RGS5: variants seen among roughly 807,000 people sequenced by gnomAD.
RGS5 encodes the protein regulator of G-protein signalling 5.
RGS5 carries 20 observed loss-of-function variants against 18.9 expected under a neutral mutation model. That is an observed-to-expected ratio of 1.06 (90% CI 0.74 to 1.54). RGS5 has a LOEUF of 1.54. RGS5 is among the 40% of genes most tolerant of loss of function. The pLI is 0.00. For synonymous variants in RGS5, 57 were observed against 76.2 expected, an observed-to-expected ratio of 0.75 and a Z score of 1.31; for missense variants, 201 against 211.8, an observed-to-expected ratio of 0.95 and a Z score of 0.32.
rs15049 is a variant in RGS5 at position 163,147,088 on chromosome 1, T to G, written c.*254A>C. ...CAGGATTTTTCTGTGATTCTGATTG[T>G]GTCTGACTACAAGCTGAAGATATCT... On this transcript the variant is annotated 3_prime_UTR_variant, in exon 5 of 5. Transcript: ENST00000313961. 51,893 of 313,692 alleles carry G rather than the reference T, an allele frequency of 0.17. 7,363 individuals carry two copies. Among genetic ancestry groups the G allele is most frequent in the African/African-American group, 0.47 (22,012 of 46,566 alleles). 19.4% of individuals were successfully genotyped at this position (313,692 alleles called of 1,614,324 possible).
At chr1:163,217,400 G>A in intron 1 of RGS5, 1 of 996,178 alleles carries the variant, frequency 1.0e-6, no homozygotes. Context: ...TCCCATCAAA[G>A]AGAAGAAATT....
chr1:163,310,953 T>A (rs983893530), intron 1 of RGS5, among the ~76,000 whole-genome samples: 2 of 152,156 alleles, frequency 1.3e-5, no homozygotes, highest in Non-Finnish European at 2.9e-5. Context: ...GAGCCCCTTA[T>A]AAAACCGTCA....
upstream of RGS5, among the ~76,000 whole-genome samples, chr1:163,221,335 T>C (rs1469133544): frequency 1.3e-5 from 2 of 152,064 alleles, no homozygotes; most frequent in African/African-American, 4.8e-5. Context: ...CCATCTCTAC[T>C]ACAATATAAA....
chr1:163,251,467 T>G (rs1290958709), intron 2 of RGS5, among the ~76,000 whole-genome samples: 1 of 152,208 alleles, frequency 6.6e-6, no homozygotes, highest in East Asian at 1.9e-4. Flanking sequence ...TTTTAATAAC[T>G]TATGCTGATC....
chr1:163,289,664 G>A (rs902390332), intron 2 of RGS5, among the ~76,000 whole-genome samples: 1 of 151,980 alleles, frequency 6.6e-6, no homozygotes, highest in Non-Finnish European at 1.5e-5. Context: ...TGCTATGTTT[G>A]GGTTAATTTA....
upstream of RGS5, chr1:163,202,963 C>T (rs1413010574): frequency 1.2e-6 from 1 of 805,416 alleles, no homozygotes; most frequent in Non-Finnish European, 2.0e-6. Flanking sequence ...TTTCCCAGCC[C>T]TCTGTTGCTC....
At position 163,309,664 on chromosome 1, in the gene RGS5, A is replaced by T. The variant is rs75879566; in HGVS notation, c.-377-3335T>A. Among the ~76,000 whole-genome samples, 30 of 152,306 alleles carry T rather than the reference A, an allele frequency of 2.0e-4. No homozygotes were observed. The East Asian group carries it at 5.6e-3, about 28-fold the overall frequency. On this transcript the variant is annotated intron_variant, in intron 1 of 5. Transcript: ENST00000618415. ...CTCCACTAAAGTCATGAAGTCATTC[A>T]TAAGGCCTGGAATTAACTTCTTCCA...
Position 163,258,096 on chromosome 1 carries a change from T to C in RGS5, c.-281+48137A>G, listed in dbSNP as rs182008478. On this transcript the variant is annotated intron_variant, in intron 2 of 5. Transcript: ENST00000618415. ...GTTTGATCCTACATTGAAAAAAATA[T>C]GAATAATGTCTGTAGCTGGTCTGGT... Among the ~76,000 whole-genome samples the C allele has an allele frequency of 3.2e-3, 490 of 152,302 alleles. 4 individuals carry two copies. Among genetic ancestry groups the C allele is most frequent in the Non-Finnish European group, 3.6e-3 (243 of 68,024 alleles).
intron 2 of RGS5, among the ~76,000 whole-genome samples, chr1:163,272,308 G>A (rs1453915372): frequency 1.3e-5 from 2 of 152,004 alleles, no homozygotes; most frequent in African/African-American, 4.8e-5. Context: ...CTGGATACAA[G>A]TCCTTTTCAG....
At chr1:163,173,848 G>A (rs532358052) in intron 1 of RGS5, among the ~76,000 whole-genome samples, 3 of 152,152 alleles carry the variant, frequency 2.0e-5, no homozygotes, top group Non-Finnish European at 4.4e-5. Context: ...GGCCGAGGTG[G>A]GTGGATCATG....
At chr1:163,307,402 T>C (rs958299308) in intron 1 of RGS5, among the ~76,000 whole-genome samples, 3 of 152,152 alleles carry the variant, frequency 2.0e-5, no homozygotes, top group African/African-American at 7.2e-5. Context: ...GACATGAAAG[T>C]GAGAACTTTT....
At chr1:163,263,202 C>T (rs1158711258) in intron 2 of RGS5, among the ~76,000 whole-genome samples, 1 of 152,116 alleles carries the variant, frequency 6.6e-6, no homozygotes, top group Non-Finnish European at 1.5e-5. Flanking sequence ...CCTGGCTTGC[C>T]ATCTATGGGC....
chr1:163,199,693 T>A (rs925337086), intron 1 of RGS5, among the ~76,000 whole-genome samples: 1 of 152,218 alleles, frequency 6.6e-6, no homozygotes, highest in Non-Finnish European at 1.5e-5. Context: ...TTAGAATCAC[T>A]GAGCAGGTTG....
At chr1:163,177,615 C>T (rs2102411514) in intron 1 of RGS5, among the ~76,000 whole-genome samples, 1 of 152,264 alleles carries the variant, frequency 6.6e-6, no homozygotes. Context: ...ATGAGGTCAC[C>T]AGACTTTCAT....
chr1:163,248,385 A>G (rs1648001308), intron 2 of RGS5: 2 of 152,180 alleles, frequency 1.3e-5, no homozygotes. Context: ...ATTGCCTTCA[A>G]GATGAGATGA....
intron 3 of RGS5, among the ~76,000 whole-genome samples, chr1:163,159,834 A>G (rs1657731743): frequency 6.6e-6 from 1 of 152,192 alleles, no homozygotes; most frequent in South Asian, 2.1e-4. Context: ...ATAATTTCAA[A>G]ATGCATATAT....
chr1:163,208,269 A>T (rs1423898623), intron 1 of RGS5, among the ~76,000 whole-genome samples: 1 of 145,908 alleles, frequency 6.9e-6, no homozygotes, highest in Non-Finnish European at 1.5e-5. Flanking sequence ...AATGGCGTGA[A>T]CCCGGGAGGC....
At chr1:163,279,409 C>T (rs1371237415) in intron 2 of RGS5, among the ~76,000 whole-genome samples, 1 of 151,672 alleles carries the variant, frequency 6.6e-6, no homozygotes, top group Non-Finnish European at 1.5e-5. Flanking sequence ...AAAAAATATG[C>T]TTCTGAACAA....
intron 4 of RGS5, 76 bp downstream of exon 4, chr1:163,152,474 G>A (rs1657411030): frequency 1.4e-6 from 2 of 1,453,694 alleles, no homozygotes; most frequent in East Asian, 2.3e-5. Context: ...CCAACGGGAG[G>A]TCTGTGTCTC....
Sources: gnomAD v4.1 joint callset for allele counts (sites outside exome capture counted in the v4.1 genomes callset) on GRCh38, gnomAD v4.1.1 for gene constraint, MANE v1.5 for transcripts, NCBI Gene and HGNC (gene_info 2026-07-23, HGNC 2026-07-21) for gene names.